Variants in PDGFD observed in about 807,000 individuals in gnomAD.
The protein encoded by PDGFD is platelet-derived growth factor D.
Under a neutral mutation model 44.7 loss-of-function variants are expected in PDGFD, and 30 were observed. The ratio of observed to expected loss-of-function variants is 0.67; its 90% CI spans 0.50 to 0.91. The LOEUF (loss-of-function observed/expected upper bound fraction) is 0.91. Ranked by LOEUF, PDGFD falls within the 40% of genes least tolerant of loss-of-function variation. The probability of loss-of-function intolerance (pLI) is 0.00; values close to 1 mark genes in which losing one functional copy is unlikely to be tolerated. For missense variants in PDGFD, 445 were observed against 457.8 expected, an observed-to-expected ratio of 0.97 and a Z score of 0.25; for synonymous variants, 173 against 168.4, an observed-to-expected ratio of 1.03 and a Z score of -0.21.
At position 104,037,604 on chromosome 11, in the gene PDGFD, C is replaced by T. The variant is rs1212172543; in HGVS notation, c.125-37349G>A. The T allele has an allele frequency of 5.0e-6, 8 of 1,613,908 alleles. No homozygotes were observed. The highest frequency in any genetic ancestry group is 2.2e-5 in the South Asian group (2 of 91,062). On this transcript the variant is annotated intron_variant, in intron 1 of 6. Coordinates refer to ENST00000393158, the MANE Select transcript of PDGFD (RefSeq NM_025208.5). Reference sequence around the variant, plus strand: ...CATCCTTTGAAGGCTTTTGTTGACTCGGGCGCCCAGATGACCATTATGAGC... The same window carrying T: ...CATCCTTTGAAGGCTTTTGTTGACTTGGGCGCCCAGATGACCATTATGAGC...
intron 1 of PDGFD, among the ~76,000 whole-genome samples, chr11:104,045,835 A>G (rs1038520306): frequency 6.8e-6 from 1 of 147,386 alleles, no homozygotes; most frequent in African/African-American, 2.5e-5. Flanking sequence ...GTAAAAGACA[A>G]GCAGGTTTTT....
chr11:103,960,836 G>T (rs966122347), intron 3 of PDGFD, among the ~76,000 whole-genome samples: 1 of 148,958 alleles, frequency 6.7e-6, no homozygotes, highest in Non-Finnish European at 1.5e-5. Context: ...ATGTCTTCTT[G>T]CTGTGCCCAC....
At chr11:103,984,722 G>C (rs1013795903) in intron 3 of PDGFD, among the ~76,000 whole-genome samples, 19 of 149,544 alleles carry the variant, frequency 1.3e-4, no homozygotes, top group South Asian at 2.1e-4. Context: ...TAAAAAAACA[G>C]TAACTTGAGT....
chr11:104,077,091 G>A (rs1008791450), intron 1 of PDGFD, among the ~76,000 whole-genome samples: 1 of 152,130 alleles, frequency 6.6e-6, no homozygotes, highest in African/African-American at 2.4e-5. Flanking sequence ...GTTATACATT[G>A]ATTTCTGAGT....
intron 1 of PDGFD, among the ~76,000 whole-genome samples, chr11:104,086,796 T>C (rs1412578257): frequency 6.6e-6 from 1 of 152,206 alleles, no homozygotes; most frequent in East Asian, 1.9e-4. Context: ...TAAACTCTGA[T>C]GTAAATAGAG....
At chr11:103,994,712 G>A (rs911113611) in intron 3 of PDGFD, among the ~76,000 whole-genome samples, 1 of 151,956 alleles carries the variant, frequency 6.6e-6, no homozygotes, top group African/African-American at 2.4e-5. Context: ...GAGACAAACC[G>A]AAAGAAAGTG....
At chr11:103,996,269 A>G (rs200255440) in intron 2 of PDGFD, 24 bp from the exon 3 acceptor site, 1 of 1,574,306 alleles carries the variant, frequency 6.4e-7, no homozygotes, top group East Asian at 2.3e-5. Context: ...GACATAATGA[A>G]CAAGTTTTGA....
At chr11:103,929,979 T>C (rs1009285424) in intron 5 of PDGFD, among the ~76,000 whole-genome samples, 1 of 152,134 alleles carries the variant, frequency 6.6e-6, no homozygotes, top group African/African-American at 2.4e-5. Flanking sequence ...AGCTGAACAT[T>C]CAGAGCATCA....
At chr11:104,008,786 T>C (rs1273831344) in intron 1 of PDGFD, among the ~76,000 whole-genome samples, 1 of 152,166 alleles carries the variant, frequency 6.6e-6, no homozygotes, top group Non-Finnish European at 1.5e-5. Flanking sequence ...TTAATCAATG[T>C]AACCCCAGTA....
chr11:104,078,833 GA>G (rs1861004832), intron 1 of PDGFD, among the ~76,000 whole-genome samples: 1 of 47,262 alleles, frequency 2.1e-5, no homozygotes, highest in Admixed American at 1.8e-4. Context: ...ACCAATGAGG[GA>G]AGAAAGATTA....
chr11:104,106,553 A>C (rs1861474037), intron 1 of PDGFD, among the ~76,000 whole-genome samples: 3 of 152,176 alleles, frequency 2.0e-5, no homozygotes, highest in Admixed American at 1.3e-4. Flanking sequence ...TCATTCAATT[A>C]TTCAGAAAAC....
intron 1 of PDGFD, among the ~76,000 whole-genome samples, chr11:104,097,578 G>A (rs922091907): frequency 1.3e-5 from 2 of 152,144 alleles, no homozygotes; most frequent in South Asian, 2.1e-4. Flanking sequence ...ATGGTTCCCA[G>A]ATGCTAATGT....
At chr11:104,056,381 G>C (rs361318) in intron 1 of PDGFD, among the ~76,000 whole-genome samples, 1 of 151,878 alleles carries the variant, frequency 6.6e-6, no homozygotes, top group Admixed American at 6.6e-5. Flanking sequence ...ACCCTATTTG[G>C]AAATGGGGTT....
At chr11:104,012,173 A>G (rs1270687100) in intron 1 of PDGFD, among the ~76,000 whole-genome samples, 1 of 152,198 alleles carries the variant, frequency 6.6e-6, no homozygotes, top group Non-Finnish European at 1.5e-5. Context: ...GATACAATTA[A>G]TGAAAATTCA....
chr11:103,951,563 C>T (rs1029792892), intron 3 of PDGFD, among the ~76,000 whole-genome samples: 9 of 152,128 alleles, frequency 5.9e-5, no homozygotes, highest in Non-Finnish European at 1.2e-4. Context: ...CTCTGGTGTC[C>T]TCTGATTTGA....
In PDGFD at chr11:104,036,766, A is replaced by G. The variant is rs879230427; in HGVS notation, c.125-36511T>C. 28 of 1,421,974 alleles carry G rather than the reference A, an allele frequency of 2.0e-5. No individual in the cohort carries two copies. In the Admixed American group the frequency reaches 5.1e-4, roughly 26 times the overall value. The allele number at this position is 1,421,974 out of a possible 1,614,324, so 88.1% of individuals were successfully genotyped here. On this transcript the variant is annotated intron_variant, in intron 1 of 6. Coordinates refer to ENST00000393158, the MANE Select transcript of PDGFD (RefSeq NM_025208.5). ...GGCACCAACGACGCAGGCCCGCCCCAGCCCGCCAGTGAGCCGCCCATGCCC... is the reference window on the plus strand; with the variant it reads ...GGCACCAACGACGCAGGCCCGCCCCGGCCCGCCAGTGAGCCGCCCATGCCC...
At chr11:104,163,764 T>A (rs535169218) in intron 1 of PDGFD, 40 bp downstream of exon 1, 3 of 1,500,976 alleles carry the variant, frequency 2.0e-6, no homozygotes, top group South Asian at 2.7e-5. Flanking sequence ...ATAGCAAACA[T>A]GATTTTTTTT....
intron 1 of PDGFD, among the ~76,000 whole-genome samples, chr11:104,130,793 C>T (rs1861908651): frequency 6.6e-6 from 1 of 152,080 alleles, no homozygotes. Flanking sequence ...CAGCTATTAC[C>T]TATCACTTCA....
At chr11:103,931,031 T>C (rs772132494) in intron 5 of PDGFD, among the ~76,000 whole-genome samples, 15 of 152,160 alleles carry the variant, frequency 9.9e-5, no homozygotes, top group Non-Finnish European at 2.1e-4. Flanking sequence ...ATAGCAATGA[T>C]TTGTCCTCAG....
Sources: gnomAD v4.1 joint callset for allele counts (sites outside exome capture counted in the v4.1 genomes callset) on GRCh38, gnomAD v4.1.1 for gene constraint, MANE v1.5 for transcripts, NCBI Gene and HGNC (gene_info 2026-07-23, HGNC 2026-07-21) for gene names.